The following METTL15 variants were observed in gnomAD, a reference collection of about 807,000 sequenced individuals.
The protein encoded by METTL15 is methyltransferase 15, mitochondrial 12S rRNA N4-cytidine.
A neutral mutation model predicts 38.3 loss-of-function variants in METTL15; 34 were observed. The ratio of observed to expected loss-of-function variants is 0.89; its 90% CI spans 0.68 to 1.18. METTL15 has a LOEUF of 1.18. METTL15 is among the 50% of genes most tolerant of loss of function. The pLI is 0.00. For missense variants in METTL15, 438 were observed against 498.4 expected, an observed-to-expected ratio of 0.88 and a Z score of 1.15; for synonymous variants, 162 against 170.9, an observed-to-expected ratio of 0.95 and a Z score of 0.41.
chr11:28,139,710 C>G (rs1590794758), intron 3 of METTL15, among the ~76,000 whole-genome samples: 1 of 150,320 alleles, frequency 6.7e-6, no homozygotes, highest in East Asian at 2.0e-4. Context: ...TAAAGGGTGT[C>G]TTGTGAGTTG....
At chr11:28,394,358 A>G (rs1218280069) in intron 5 of METTL15, among the ~76,000 whole-genome samples, 1 of 152,102 alleles carries the variant, frequency 6.6e-6, no homozygotes, top group Admixed American at 6.6e-5. Context: ...ATGCTGAGGG[A>G]TGTGAGTGAA....
chr11:28,175,117 G>A (rs1449937682), intron 3 of METTL15, among the ~76,000 whole-genome samples: 2 of 151,308 alleles, frequency 1.3e-5, no homozygotes, highest in Non-Finnish European at 2.9e-5. Flanking sequence ...CCCACAACAG[G>A]CCCCGATGTG....
intron 6 of METTL15, among the ~76,000 whole-genome samples, chr11:28,320,930 T>C (rs1489622107): frequency 6.6e-6 from 1 of 152,178 alleles, no homozygotes; most frequent in Non-Finnish European, 1.5e-5. Context: ...TTCCATTAAT[T>C]TATACATTAG....
At chr11:28,361,110 C>T (rs1446292664) in intron 4 of METTL15, among the ~76,000 whole-genome samples, 3 of 151,374 alleles carry the variant, frequency 2.0e-5, no homozygotes, top group Non-Finnish European at 4.4e-5. Flanking sequence ...AATAGTGCCG[C>T]AATAAACATA....
intron 3 of METTL15, among the ~76,000 whole-genome samples, chr11:28,187,755 T>A (rs1448305992): frequency 2.0e-5 from 3 of 151,020 alleles, no homozygotes; most frequent in Non-Finnish European, 4.5e-5. Context: ...ATGGAGGAGA[T>A]GAAAATTACA....
At chr11:28,236,912 G>T (rs1360278066) in intron 4 of METTL15, among the ~76,000 whole-genome samples, 1 of 152,148 alleles carries the variant, frequency 6.6e-6, no homozygotes, top group Non-Finnish European at 1.5e-5. Context: ...TTTTCTTTAA[G>T]AATGTTGAAT....
At chr11:28,338,654 A>G (rs1368516871) in intron 3 of METTL15, among the ~76,000 whole-genome samples, 1 of 152,106 alleles carries the variant, frequency 6.6e-6, no homozygotes, top group Non-Finnish European at 1.5e-5. Context: ...TGGATGAGAG[A>G]TATCAAAACA....
At chr11:28,424,739 T>C (rs777395946) in intron 6 of METTL15, among the ~76,000 whole-genome samples, 1 of 152,102 alleles carries the variant, frequency 6.6e-6, no homozygotes, top group African/African-American at 2.4e-5. Flanking sequence ...TTTCAATTCT[T>C]CCACCAAGAG....
intron 5 of METTL15, among the ~76,000 whole-genome samples, chr11:28,405,060 A>G (rs1160358171): frequency 1.3e-5 from 2 of 152,150 alleles, no homozygotes; most frequent in African/African-American, 4.8e-5. Flanking sequence ...TCATTGAACA[A>G]ACATTCATTG....
intron 6 of METTL15, among the ~76,000 whole-genome samples, chr11:28,300,444 A>T (rs1313063261): frequency 6.6e-6 from 1 of 152,166 alleles, no homozygotes; most frequent in Non-Finnish European, 1.5e-5. Context: ...TCACGTGATT[A>T]AGCTGTTAAT....
intron 6 of METTL15, among the ~76,000 whole-genome samples, chr11:28,493,159 T>C (rs1344541405): frequency 6.6e-6 from 1 of 152,116 alleles, no homozygotes; most frequent in Non-Finnish European, 1.5e-5. Flanking sequence ...ATCTGACAAA[T>C]CATGCCCATT....
intron 4 of METTL15, among the ~76,000 whole-genome samples, chr11:28,252,052 C>T (rs2133924065): frequency 6.6e-6 from 1 of 152,238 alleles, no homozygotes; most frequent in East Asian, 1.9e-4. Context: ...TTTGCTTCTA[C>T]AAATTCATTT....
chr11:28,388,011 A>G (rs1850458439), intron 5 of METTL15, among the ~76,000 whole-genome samples: 1 of 150,342 alleles, frequency 6.7e-6, no homozygotes. Flanking sequence ...CTTTTGTGAT[A>G]AAAATACTAA....
chr11:28,310,895 G>GCTA, intron 6 of METTL15, among the ~76,000 whole-genome samples: 1 of 93,414 alleles, frequency 1.1e-5, no homozygotes, highest in Non-Finnish European at 2.4e-5. Context: ...TGCTGCTGCT[G>GCTA]CTGCTGCTGC....
intron 6 of METTL15, among the ~76,000 whole-genome samples, chr11:28,490,239 G>A (rs1851483387): frequency 6.6e-6 from 1 of 152,148 alleles, no homozygotes; most frequent in African/African-American, 2.4e-5. Flanking sequence ...CATTGCCAGG[G>A]ATGGTGGTAG....
chr11:28,113,609 G>A lies in METTL15; in HGVS notation c.270+5G>A, dbSNP rs748226900. 1.0e-5 allele frequency: 16 copies of A among 1,595,566 alleles called. No homozygotes were observed. The highest frequency in any genetic ancestry group is 5.7e-5 in the South Asian group (5 of 88,346). ...TTGTCACCACAAAAAGGACAGGTGA[G>A]TTGAATTTTTATTTTTTAGCAAGTT... is the stretch of plus-strand genomic sequence containing the variant. On this transcript the variant is annotated splice_donor_5th_base_variant and intron_variant, in intron 3 of 6. Transcript: ENST00000407364.
intron 6 of METTL15, among the ~76,000 whole-genome samples, chr11:28,325,067 C>T (rs940779899): frequency 3.9e-5 from 6 of 152,158 alleles, no homozygotes; most frequent in African/African-American, 1.4e-4. Context: ...TTTGTCCTGG[C>T]TCCCCTCTCT....
At chr11:28,359,171 G>C (rs560887011) in intron 4 of METTL15, among the ~76,000 whole-genome samples, 2 of 152,298 alleles carry the variant, frequency 1.3e-5, no homozygotes, top group South Asian at 4.1e-4. Flanking sequence ...ACTTAGAAGT[G>C]AGAACATGTG....
In METTL15 at chr11:28,252,058, C is replaced by G. The variant is rs553253445; in HGVS notation, c.408-38148C>G. Reference sequence around the variant, plus strand: ...AACTTCAAATTTGCTTCTACAAATTCATTTGCTCAACTGATATTTATTTGG... The same window carrying G: ...AACTTCAAATTTGCTTCTACAAATTGATTTGCTCAACTGATATTTATTTGG... On this transcript the variant is annotated intron_variant, in intron 4 of 6. Coordinates refer to ENST00000407364, the MANE Select transcript of METTL15 (RefSeq NM_001113528.2). Among the ~76,000 whole-genome samples the G allele has an allele frequency of 2.0e-5, 3 of 152,198 alleles. No individual in the cohort carries two copies. In the South Asian group the frequency reaches 6.2e-4, roughly 32 times the overall value.
Sources: gnomAD v4.1 joint callset for allele counts (sites outside exome capture counted in the v4.1 genomes callset) on GRCh38, gnomAD v4.1.1 for gene constraint, MANE v1.5 for transcripts, NCBI Gene and HGNC (gene_info 2026-07-23, HGNC 2026-07-21) for gene names.